The following VWF variants were observed in gnomAD, a reference collection of about 807,000 sequenced individuals.
The protein encoded by VWF is Factor VIII related antigen.
Under a neutral mutation model 308.6 loss-of-function variants are expected in VWF, and 176 were observed. That is an observed-to-expected ratio of 0.57 (90% CI 0.50 to 0.65). VWF has a LOEUF of 0.65. Among genes scored for constraint, VWF ranks in the 30% least tolerant of loss-of-function variants. The pLI is 0.00. For missense variants in VWF, 3,146 were observed against 3,648.2 expected, an observed-to-expected ratio of 0.86 and a Z score of 3.55; for synonymous variants, 1,385 against 1,443.4, an observed-to-expected ratio of 0.96 and a Z score of 0.92.
intron 6 of VWF, among the ~76,000 whole-genome samples, chr12:6,087,040 A>C (rs1321519079): frequency 2.0e-5 from 3 of 152,272 alleles, no homozygotes; most frequent in Middle Eastern, 3.4e-3. Context: ...GAAGACATGA[A>C]TGGCCAAAGA....
intron 33 of VWF, 142 bp downstream of exon 33, chr12:6,011,945 T>C (rs1944000200): frequency 7.8e-7 from 1 of 1,275,212 alleles, no homozygotes; most frequent in African/African-American, 1.5e-5. Flanking sequence ...AAACACAAGA[T>C]GTACAGATGG....
At position 6,071,329 on chromosome 12, in the gene VWF, C is replaced by T; in HGVS notation, c.1124G>A (p.Ser375Asn). 3 of 1,614,150 alleles carry T rather than the reference C, an allele frequency of 1.9e-6. No individual in the cohort carries two copies. The highest frequency in any genetic ancestry group is 2.5e-6 in the Non-Finnish European group (3 of 1,180,036). ...TTCTTCATTGCTGCAGATCCACTGG[C>T]TGTTTCGGCAAATGCTGTTGGAGGG... is the stretch of plus-strand genomic sequence containing the variant. ...RDCNTCICRN[S>N]QWICSNEECP... is the part of the protein sequence containing the mutation. The change falls in exon 10 of 52, where the codon AGC (serine) becomes AAC (asparagine). Residue 375 changes from serine (S) to asparagine (N), a missense_variant. Physicochemically the swap from Ser to Asn is conservative, Grantham distance 46. Transcript: ENST00000261405.
intron 15 of VWF, among the ~76,000 whole-genome samples, chr12:6,053,784 A>C (rs1944545702): frequency 1.3e-5 from 2 of 152,210 alleles, no homozygotes; most frequent in African/African-American, 4.8e-5. Context: ...TGGCATGTGG[A>C]GAATGTTCAC....
Position 5,969,222 on chromosome 12 carries a change from C to T in VWF, c.7718G>A (p.Ser2573Asn). Residue 2573 changes from serine (S) to asparagine (N), a missense_variant, in exon 45 of 52, where the codon AGC becomes AAC. By Grantham distance (46) the Ser-to-Asn change is conservative. This residue lies in a region of VWF where 989 missense variants were observed against 1,117.4 expected (regional missense o/e 0.89). Transcript: ENST00000261405. ...CCTGCATGCCTTACCACAGCGACAG[C>T]TTGGGCAGCACGCTGAGGTCTTACA... ...LSCKTSACCP[S>N]CRCERMEACM... The T allele has an allele frequency of 6.2e-7, 1 of 1,613,532 alleles. No individual in the cohort carries two copies. Among genetic ancestry groups the T allele is most frequent in the Non-Finnish European group, 8.5e-7 (1 of 1,179,740 alleles).
In VWF at chr12:6,095,449, T is replaced by A; in HGVS notation, c.657+11A>T. 1 of 1,613,860 alleles carries A rather than the reference T, an allele frequency of 6.2e-7. No individual in the cohort carries two copies. Among genetic ancestry groups the A allele is most frequent in the Non-Finnish European group, 8.5e-7 (1 of 1,179,928 alleles). On this transcript the variant is annotated intron_variant, in intron 6 of 51. Coordinates refer to ENST00000261405, the MANE Select transcript of VWF (RefSeq NM_000552.5). ...CACCATCCAGGTGCACCCAGGCCAG[T>A]CCACACCCACCTTCTGCATTTCCCC...
chr12:6,081,227 A>G (rs980701177), intron 6 of VWF, among the ~76,000 whole-genome samples: 2 of 152,100 alleles, frequency 1.3e-5, no homozygotes, highest in Non-Finnish European at 2.9e-5. Context: ...GCCTGAAGAC[A>G]CCTCCAAAGA....
At chr12:6,116,272 G>A (rs543033817) in intron 3 of VWF, among the ~76,000 whole-genome samples, 8 of 152,318 alleles carry the variant, frequency 5.3e-5, no homozygotes, top group South Asian at 4.1e-4. Flanking sequence ...CCTGCTGAAC[G>A]CAGTGATTAA....
chr12:6,070,564 T>C lies in VWF; in HGVS notation c.1156+733A>G, dbSNP rs574056445. ...TGTTTCTGCTTTCCTAAAATGAGAA[T>C]AAATTGCACCTGCCTCACAGGTTGT... is the stretch of plus-strand genomic sequence containing the variant. On this transcript the variant is annotated intron_variant, in intron 10 of 51. Transcript: ENST00000261405. Among the ~76,000 whole-genome samples the C allele has an allele frequency of 7.2e-5, 11 of 152,270 alleles. No individual in the cohort carries two copies. The East Asian group carries it at 2.1e-3, about 29-fold the overall frequency.
chr12:6,105,567 A>G (rs986171089), intron 5 of VWF, among the ~76,000 whole-genome samples: 2 of 152,246 alleles, frequency 1.3e-5, no homozygotes, highest in Non-Finnish European at 2.9e-5. Flanking sequence ...AAAAATTTAA[A>G]AAATGTTTAA....
At chr12:6,036,090 T>A (rs543072528) in intron 19 of VWF, among the ~76,000 whole-genome samples, 4 of 152,246 alleles carry the variant, frequency 2.6e-5, no homozygotes, top group African/African-American at 9.6e-5. Context: ...TCATTATGTA[T>A]ATGCAAATAT....
At chr12:5,953,674 C>T in intron 47 of VWF, 80 bp from the exon 48 acceptor site, 1 of 1,085,228 alleles carries the variant, frequency 9.2e-7, no homozygotes, top group South Asian at 1.3e-5. Flanking sequence ...TTTTGCTGGC[C>T]TCTCATCTCT....
intron 34 of VWF, among the ~76,000 whole-genome samples, chr12:6,002,331 G>A (rs1943880286): frequency 6.6e-6 from 1 of 151,650 alleles, no homozygotes; most frequent in Non-Finnish European, 1.5e-5. Flanking sequence ...CAAATCATGA[G>A]TTAATTTGAT....
At chr12:6,049,159 A>C (rs1157383973) in intron 16 of VWF, among the ~76,000 whole-genome samples, 1 of 152,206 alleles carries the variant, frequency 6.6e-6, no homozygotes, top group Non-Finnish European at 1.5e-5. Flanking sequence ...CACCTGCTCC[A>C]GCGAGGCTCA....
At chr12:6,079,191 C>T (rs900953210) in intron 6 of VWF, among the ~76,000 whole-genome samples, 3 of 152,334 alleles carry the variant, frequency 2.0e-5, no homozygotes, top group East Asian at 1.9e-4. Flanking sequence ...CAGCTGGATC[C>T]GCACTCACCT....
At chr12:6,093,246 C>G (rs1025047165) in intron 6 of VWF, among the ~76,000 whole-genome samples, 2 of 152,132 alleles carry the variant, frequency 1.3e-5, no homozygotes, top group African/African-American at 4.8e-5. Flanking sequence ...CCATTCAGAG[C>G]CCGAGGACTC....
intron 47 of VWF, among the ~76,000 whole-genome samples, chr12:5,956,653 AAAG>A (rs1281729204): frequency 2.0e-5 from 3 of 152,032 alleles, no homozygotes; most frequent in Non-Finnish European, 4.4e-5. Context: ...AAAAAAAAAA[AAAG>A]AAGTTAAACA....
chr12:5,964,242 ACATACATG>A (rs1257059722), intron 47 of VWF, among the ~76,000 whole-genome samples: 84 of 137,000 alleles, frequency 6.1e-4, no homozygotes, highest in East Asian at 1.3e-3. Flanking sequence ...ATACATACAT[ACATACATG>A]CATACATACA....
Position 6,016,498 on chromosome 12 carries a change from C to A in VWF, c.5311+18G>T, listed in dbSNP as rs1198357464. 1.9e-6 allele frequency: 3 copies of A among 1,612,812 alleles called. No individual in the cohort carries two copies. In the South Asian group the frequency reaches 3.3e-5, roughly 18 times the overall value. ...CCAGAATGCAGCTTCTGCATCCAGC[C>A]TGTGGCACCAACGTTACCGATTTGG... On this transcript the variant is annotated intron_variant, in intron 30 of 51. Coordinates refer to ENST00000261405, the MANE Select transcript of VWF (RefSeq NM_000552.5).
At chr12:6,004,016 C>T (rs1222828427) in intron 34 of VWF, among the ~76,000 whole-genome samples, 14 of 151,704 alleles carry the variant, frequency 9.2e-5, no homozygotes, top group Non-Finnish European at 1.8e-4. Context: ...GGGGTTTCAC[C>T]GTGTGTTAGC....
Sources: gnomAD v4.1 joint callset for allele counts (sites outside exome capture counted in the v4.1 genomes callset) on GRCh38, gnomAD v4.1.1 for gene constraint, gnomAD v4.1.1 regional missense constraint, MANE v1.5 for transcripts, NCBI Gene and HGNC (gene_info 2026-07-23, HGNC 2026-07-21) for gene names.